The following TRAF7 variants were observed in gnomAD, a reference collection of about 807,000 sequenced individuals.
The protein encoded by TRAF7 is E3 ubiquitin-protein ligase TRAF7.
Under a neutral mutation model 89.3 loss-of-function variants are expected in TRAF7, and 45 were observed. That is an observed-to-expected ratio of 0.50 (90% CI 0.40 to 0.65). The LOEUF is 0.65. TRAF7 is among the 30% of genes least tolerant of loss of function. The pLI is 0.00. For synonymous variants in TRAF7, 406 were observed against 369.2 expected (o/e 1.10, Z -1.14); for missense variants, 677 against 918.1 (o/e 0.74, Z 3.39).
Position 2,173,417 on chromosome 16 carries a change from G to C in TRAF7, c.1012+18G>C. ...CAAGTTTGGTGAGGGTGGGCACCGGGGCAGGCAGGGGCCTGGCCACTGCTC... is the reference window on the plus strand; with the variant it reads ...CAAGTTTGGTGAGGGTGGGCACCGGCGCAGGCAGGGGCCTGGCCACTGCTC... On this transcript the variant is annotated intron_variant, in intron 10 of 20. Coordinates refer to ENST00000326181, the MANE Select transcript of TRAF7 (RefSeq NM_032271.3). 1 of 1,612,604 alleles carries C rather than the reference G, an allele frequency of 6.2e-7. No individual in the cohort carries two copies. The highest frequency in any genetic ancestry group is 8.5e-7 in the Non-Finnish European group (1 of 1,179,322).
intron 4 of TRAF7, among the ~76,000 whole-genome samples, chr16:2,169,062 C>T: frequency 6.6e-6 from 1 of 152,088 alleles, no homozygotes; most frequent in Non-Finnish European, 1.5e-5. Flanking sequence ...CTCAGCTCAC[C>T]ACAACCTCCG....
intron 2 of TRAF7, 134 bp downstream of exon 2, chr16:2,164,135 G>A (rs1216467365): frequency 7.5e-6 from 5 of 668,834 alleles, no homozygotes; most frequent in Non-Finnish European, 1.2e-5. Flanking sequence ...GTGGGGGGGG[G>A]TGTGGTGTGT....
rs370123843 is a variant in TRAF7, at chr16:2,175,435, G to A, written c.1503+18G>A. The stretch of plus-strand genomic sequence containing the variant: ...CCATCAAGGTACGGGTGGAGGCTGT[G>A]CCTACGTGTGTGTCACTGAGGCGTC... On this transcript the variant is annotated intron_variant, in intron 16 of 20. Transcript: ENST00000326181. 368 of 1,612,792 alleles carry A rather than the reference G, an allele frequency of 2.3e-4. 1 individual carries two copies. Among genetic ancestry groups the A allele is most frequent in the Middle Eastern group, 1.2e-3 (7 of 6,058 alleles).
Position 2,175,357 on chromosome 16 carries a change from G to A in TRAF7, c.1443G>A (p.Pro481=), listed in dbSNP as rs370665973. The A allele has an allele frequency of 1.7e-5, 27 of 1,613,482 alleles. No individual in the cohort carries two copies. The highest frequency in any genetic ancestry group is 9.3e-5 in the African/African-American group (7 of 74,942). The stretch of plus-strand genomic sequence containing the variant: ...ACACCATCCGGGCCCATGACAACCC[G>A]GTGTGCACGCTGGTCTCCTCACACA... The part of the protein sequence containing the change: ...KVNTIRAHDN[P]VCTLVSSHNV... The change falls in exon 16 of 21, where the codon CCG becomes CCA. Residue 481 remains proline, a synonymous_variant. Transcript: ENST00000326181.
Position 2,164,011 on chromosome 16 carries a change from T to C in TRAF7, c.81+10T>C, listed in dbSNP as rs369609938. ...AGACGTCACCACAGGGGTAAGGGTG[T>C]GCCCCTCTGCAAGCCCAACATCCCC... On this transcript the variant is annotated intron_variant, in intron 2 of 20. Transcript: ENST00000326181. The C allele has an allele frequency of 3.4e-5, 54 of 1,601,770 alleles. No homozygotes were observed. The African/African-American group carries it at 6.2e-4, about 18-fold the overall frequency.
At chr16:2,164,163 C>CGTGTGTGT (rs2093069960) in intron 2 of TRAF7, among the ~76,000 whole-genome samples, 162 bp downstream of exon 2, 2 of 87,346 alleles carry the variant, frequency 2.3e-5, no homozygotes, top group South Asian at 6.4e-4. Context: ...TGTGTGTGCG[C>CGTGTGTGT]GCGCGCGCGC....
At position 2,173,991 on chromosome 16, in the gene TRAF7, C is replaced by G. The variant is rs1272319847; in HGVS notation, c.1206C>G (p.Leu402=). 1 of 1,613,764 alleles carries G rather than the reference C, an allele frequency of 6.2e-7. No individual in the cohort carries two copies. Among genetic ancestry groups the G allele is most frequent in the South Asian group, 1.1e-5 (1 of 91,088 alleles). The change falls in exon 13 of 21, where the codon CTC becomes CTG. Residue 402 remains leucine, a synonymous_variant. Transcript: ENST00000326181. ...GCCACCAGGGCCCTGTGTGGTGTCT[C>G]TGCGTCTACTCCATGGGTGACCTGC... The part of the protein sequence containing the change: ...FVGHQGPVWC[L]CVYSMGDLLF...
chr16:2,168,055 C>A lies in TRAF7; in HGVS notation c.140-22C>A, dbSNP rs374627095. The A allele has an allele frequency of 6.2e-7, 1 of 1,607,502 alleles. No individual in the cohort carries two copies. Among genetic ancestry groups the A allele is most frequent in the Non-Finnish European group, 8.5e-7 (1 of 1,178,580 alleles). On this transcript the variant is annotated intron_variant, in intron 3 of 20. Transcript: ENST00000326181. This position sits in a 1 kb window ranked among gnomAD's most constrained non-coding sequence, Gnocchi z 4.1. ...TCTGCTGAGGGAGCCCCCACTGAGA[C>A]GCCAGCCCTCTTGCCTTGCAGCTGA...
In TRAF7 at chr16:2,176,729, C is replaced by T. The variant is rs1468325637; in HGVS notation, c.*155C>T. 23 of 1,108,840 alleles carry T rather than the reference C, an allele frequency of 2.1e-5. 1 individual carries two copies. The South Asian group carries it at 2.5e-4, about 12-fold the overall frequency. The allele number at this position is 1,108,840 out of a possible 1,614,324, so 68.7% of individuals were successfully genotyped here. On this transcript the variant is annotated 3_prime_UTR_variant, in exon 21 of 21. Transcript: ENST00000326181. ...GGCAGTGCCCTCCCCGTCCCATGCT[C>T]GGCGAGCCTCCCTCTACTCGGCACT... is the stretch of plus-strand genomic sequence containing the variant.
Position 2,170,596 on chromosome 16 carries a change from G to T in TRAF7, c.232-18G>T. ...CCCCGTGCGGAGCCCCCCGACAGGCGCCTCTCCCTCCACACAGCCCCCCAT... is the reference window on the plus strand; with the variant it reads ...CCCCGTGCGGAGCCCCCCGACAGGCTCCTCTCCCTCCACACAGCCCCCCAT... On this transcript the variant is annotated intron_variant, in intron 4 of 20. Coordinates refer to ENST00000326181, the MANE Select transcript of TRAF7 (RefSeq NM_032271.3). 6.2e-7 allele frequency: 1 copy of T among 1,600,452 alleles called. No individual in the cohort carries two copies. Among genetic ancestry groups the T allele is most frequent in the Non-Finnish European group, 8.5e-7 (1 of 1,171,730 alleles).
chr16:2,178,104 A>G lies in TRAF7; in HGVS notation c.*1530A>G. On this transcript the variant is annotated 3_prime_UTR_variant, in exon 21 of 21. Transcript: ENST00000326181. ...GGGAAATCCGCCTCAGCTCATTCCC[A>G]ATAAATTAATACTCTTGATAGCTTA... 2.0e-6 allele frequency: 1 copy of G among 504,734 alleles called. No homozygotes were observed. The highest frequency in any genetic ancestry group is 4.5e-5 in the East Asian group (1 of 22,402). The allele number at this position is 504,734 out of a possible 1,614,324, so 31.3% of individuals were successfully genotyped here.
At chr16:2,164,470 T>C (rs1320517923) in intron 2 of TRAF7, among the ~76,000 whole-genome samples, 6 of 111,304 alleles carry the variant, frequency 5.4e-5, no homozygotes, top group African/African-American at 7.0e-5. Flanking sequence ...CTGCGTGGCC[T>C]GGCCTGGTCG....
chr16:2,173,810 C>T lies in TRAF7; in HGVS notation c.1109C>T (p.Ala370Val), dbSNP rs2093123570. 2.5e-6 allele frequency: 4 copies of T among 1,610,766 alleles called. No individual in the cohort carries two copies. Among genetic ancestry groups the T allele is most frequent in the Non-Finnish European group, 2.5e-6 (3 of 1,179,840 alleles). ...MLNDELSHIN[A>V]RLNMGILGSY... The stretch of plus-strand genomic sequence containing the variant: ...CAGGACGAGCTGTCCCACATCAACG[C>T]GCGGCTGAACATGGGCATCCTAGGC... The change falls in exon 12 of 21, where the codon GCG becomes GTG. Residue 370 changes from alanine to valine, a missense_variant. By Grantham distance (64) the Ala-to-Val change is moderately conservative. Around this residue, in one of 6 missense-constraint regions of TRAF7, gnomAD observed 238 missense variants for 352.6 expected, o/e 0.67. Coordinates refer to ENST00000326181, the MANE Select transcript of TRAF7 (RefSeq NM_032271.3).
chr16:2,166,361 C>T (rs1232149245), intron 3 of TRAF7, among the ~76,000 whole-genome samples: 2 of 152,158 alleles, frequency 1.3e-5, no homozygotes, highest in African/African-American at 2.4e-5. Flanking sequence ...AACAGTGCTG[C>T]AGTTGTGACA....
rs760597073 is a variant in TRAF7, at chr16:2,175,325, A to G, written c.1411A>G (p.Lys471Glu). Residue 471 changes from lysine to glutamate, a missense_variant, in exon 16 of 21, where the codon AAG becomes GAG. Lys to Glu is a moderately conservative substitution (Grantham distance 56). Coordinates refer to ENST00000326181, the MANE Select transcript of TRAF7 (RefSeq NM_032271.3). ...GGTGTGGGACATCCAGAACCTGCAG[A>G]AGGTGAACACCATCCGGGCCCATGA... is the stretch of plus-strand genomic sequence containing the variant. ...IIVWDIQNLQ[K>E]VNTIRAHDNP... 5 of 1,613,350 alleles carry G rather than the reference A, an allele frequency of 3.1e-6. No individual in the cohort carries two copies. In the African/African-American group the frequency reaches 4.0e-5, roughly 13 times the overall value.
intron 7 of TRAF7, among the ~76,000 whole-genome samples, chr16:2,171,928 C>G (rs747592533): frequency 6.6e-6 from 1 of 152,194 alleles, no homozygotes; most frequent in Non-Finnish European, 1.5e-5. Context: ...GCACGGCGCC[C>G]GCTCCTGCCT....
rs555375461 is a variant in TRAF7, at chr16:2,158,765, C to G, written c.-39+2907C>G. On this transcript the variant is annotated intron_variant, in intron 1 of 20. Coordinates refer to ENST00000326181, the MANE Select transcript of TRAF7 (RefSeq NM_032271.3). This position sits in a 1 kb window ranked among gnomAD's most constrained non-coding sequence, Gnocchi z 4.7. Reference sequence around the variant, plus strand: ...AGCGTGGGACTGGGAAGCGTGGGCTCGGCGGGGGGGGGGGGGACACTGCCA... The same window carrying G: ...AGCGTGGGACTGGGAAGCGTGGGCTGGGCGGGGGGGGGGGGGACACTGCCA... 3.1e-5 allele frequency among the ~76,000 whole-genome samples: 1 copy of G among 32,598 alleles called. No homozygotes were observed. Among genetic ancestry groups the G allele is most frequent in the Admixed American group, 4.2e-4 (1 of 2,386 alleles). The allele number at this position is 32,598 out of a possible 152,430, so 21.4% of individuals were successfully genotyped here.
intron 1 of TRAF7, 134 bp downstream of exon 1, chr16:2,155,992 G>A (rs2093032005): frequency 6.7e-6 from 1 of 149,452 alleles, no homozygotes; most frequent in Non-Finnish European, 1.5e-5. Flanking sequence ...AGGGGGGGGC[G>A]GGGCTGAGAC....
intron 4 of TRAF7, among the ~76,000 whole-genome samples, chr16:2,169,731 A>G (rs1362870847): frequency 6.6e-6 from 1 of 152,078 alleles, no homozygotes; most frequent in African/African-American, 2.4e-5. Flanking sequence ...TCTGTTCCCC[A>G]TGTGCTGCTT....
Sources: gnomAD v4.1 joint callset for allele counts (sites outside exome capture counted in the v4.1 genomes callset) on GRCh38, gnomAD v4.1.1 for gene constraint, gnomAD v4.1.1 regional missense constraint, Gnocchi (gnomAD v3.1) non-coding constraint, MANE v1.5 for transcripts, NCBI Gene and HGNC (gene_info 2026-07-23, HGNC 2026-07-21) for gene names.